Variants in CDYL observed in about 807,000 individuals in gnomAD.
The protein encoded by CDYL is chromodomain Y-like protein.
A neutral mutation model predicts 47.3 loss-of-function variants in CDYL; 8 were observed. That is an observed-to-expected ratio of 0.17 (90% CI 0.10 to 0.31). CDYL has a LOEUF of 0.31. CDYL is among the 10% of genes least tolerant of loss of function. CDYL has a pLI of 1.00. For missense variants in CDYL, 471 were observed against 701.4 expected (o/e 0.67, Z 3.71); for synonymous variants, 266 against 265.0 (o/e 1.00, Z -0.04).
intron 3 of CDYL, among the ~76,000 whole-genome samples, chr6:4,756,281 C>T (rs2127421438): frequency 6.6e-6 from 1 of 152,324 alleles, no homozygotes; most frequent in African/African-American, 2.4e-5. Flanking sequence ...CACATTTCGA[C>T]TCCAACCTAC....
chr6:4,854,322 T>C (rs1760941069), intron 1 of CDYL, among the ~76,000 whole-genome samples: 2 of 152,190 alleles, frequency 1.3e-5, no homozygotes, highest in African/African-American at 4.8e-5. Context: ...AAACTCAGCA[T>C]CCGCAGTTCA....
chr6:4,726,415 C>A (rs1158168650), intron 2 of CDYL, among the ~76,000 whole-genome samples: 1 of 151,788 alleles, frequency 6.6e-6, no homozygotes, highest in Admixed American at 6.6e-5. Flanking sequence ...ACCTGTAATC[C>A]CAGCTACTCA....
chr6:4,881,750 G>A (rs990457534), intron 1 of CDYL, among the ~76,000 whole-genome samples: 8 of 152,088 alleles, frequency 5.3e-5, no homozygotes, highest in African/African-American at 1.9e-4. Flanking sequence ...ACAATTTCTG[G>A]TTCTCATTCT....
intron 2 of CDYL, among the ~76,000 whole-genome samples, chr6:4,722,156 GA>G (rs1561822846): frequency 6.6e-6 from 1 of 152,150 alleles, no homozygotes; most frequent in Non-Finnish European, 1.5e-5. Context: ...CCCGGCCAGA[GA>G]AATATTTTTT....
chr6:4,799,031 C>T (rs1008232208), intron 1 of CDYL, among the ~76,000 whole-genome samples: 7 of 152,102 alleles, frequency 4.6e-5, no homozygotes, highest in African/African-American at 1.4e-4. Context: ...GAAGTTTAGG[C>T]CATTGCTGTA....
At chr6:4,762,645 C>CAAA (rs1173404314) in intron 3 of CDYL, among the ~76,000 whole-genome samples, 15 of 39,624 alleles carry the variant, frequency 3.8e-4, no homozygotes, top group African/African-American at 3.9e-4. Flanking sequence ...TAAAGGGTAC[C>CAAA]AAAAAAAAAA....
intron 3 of CDYL, among the ~76,000 whole-genome samples, chr6:4,765,732 T>G (rs1758242857): frequency 6.6e-6 from 1 of 152,080 alleles, no homozygotes; most frequent in Non-Finnish European, 1.5e-5. Flanking sequence ...CCCGGCTAAT[T>G]TTTGTATTTT....
At chr6:4,871,147 A>G (rs944941848) in intron 1 of CDYL, among the ~76,000 whole-genome samples, 2 of 152,172 alleles carry the variant, frequency 1.3e-5, no homozygotes, top group Admixed American at 6.5e-5. Context: ...TCCTCTCTAC[A>G]TTGAATGGGC....
chr6:4,793,343 A>G (rs1758980965), intron 1 of CDYL, among the ~76,000 whole-genome samples: 1 of 152,088 alleles, frequency 6.6e-6, no homozygotes, highest in African/African-American at 2.4e-5. Flanking sequence ...TCGGAGTGCT[A>G]GTGGCTGGTG....
At chr6:4,804,351 C>T (rs1759310360) in intron 1 of CDYL, among the ~76,000 whole-genome samples, 2 of 152,234 alleles carry the variant, frequency 1.3e-5, no homozygotes, top group Admixed American at 1.3e-4. Context: ...AGCTCCTAGG[C>T]TCCCCACATC....
intron 1 of CDYL, among the ~76,000 whole-genome samples, chr6:4,873,340 A>C (rs1393017735): frequency 6.6e-6 from 1 of 152,216 alleles, no homozygotes; most frequent in Admixed American, 6.5e-5. Context: ...TAGATATGAT[A>C]ATGACTACTA....
At chr6:4,906,158 T>A (rs181554401) in intron 2 of CDYL, among the ~76,000 whole-genome samples, 1 of 152,246 alleles carries the variant, frequency 6.6e-6, no homozygotes, top group East Asian at 1.9e-4. Flanking sequence ...GCGGATGATA[T>A]GACTTTTATT....
At chr6:4,805,045 A>G (rs1009916156) in intron 1 of CDYL, among the ~76,000 whole-genome samples, 2 of 152,210 alleles carry the variant, frequency 1.3e-5, no homozygotes, top group African/African-American at 4.8e-5. Context: ...AATCAGACCA[A>G]AAAAACCCCA....
intron 2 of CDYL, among the ~76,000 whole-genome samples, chr6:4,929,216 A>G (rs778290896): frequency 6.6e-6 from 1 of 151,658 alleles, no homozygotes; most frequent in Non-Finnish European, 1.5e-5. Context: ...TGTGCTGTGT[A>G]TATAGGTTGG....
chr6:4,775,897 TAGACGGCGCGGC>T (rs570558271), upstream of CDYL, among the ~76,000 whole-genome samples: 48 of 150,108 alleles, frequency 3.2e-4, no homozygotes, highest in South Asian at 9.8e-3. This position sits in a 1 kb window ranked among gnomAD's most constrained non-coding sequence, Gnocchi z 7.0. Context: ...AGGCGCGCGG[TAGACGGCGCGGC>T]CGCTGCCGTC....
chr6:4,745,534 G>T (rs1268466558), intron 3 of CDYL, among the ~76,000 whole-genome samples: 4 of 151,706 alleles, frequency 2.6e-5, no homozygotes, highest in African/African-American at 9.7e-5. Context: ...TTGAGGTCAG[G>T]AATTCGAGAC....
At chr6:4,819,162 C>CTCTCTCTCTCTCTCTCTGTGTGTGTGTG in intron 1 of CDYL, among the ~76,000 whole-genome samples, 1 of 111,998 alleles carries the variant, frequency 8.9e-6, no homozygotes, top group African/African-American at 4.8e-5. Context: ...CTCTCTCTCT[C>CTCTCTCTCTCTCTCTCTGTGTGTGTGTG]TGTGTGTGTG....
intron 1 of CDYL, among the ~76,000 whole-genome samples, chr6:4,814,641 C>T (rs754859342): frequency 6.6e-6 from 1 of 152,054 alleles, no homozygotes; most frequent in Non-Finnish European, 1.5e-5. Flanking sequence ...TTCTCGTGCC[C>T]CAGCCTCCCT....
At chr6:4,753,351 G>A (rs1758027141) in intron 3 of CDYL, among the ~76,000 whole-genome samples, 1 of 152,160 alleles carries the variant, frequency 6.6e-6, no homozygotes, top group Admixed American at 6.5e-5. Flanking sequence ...CTTTCCTCTT[G>A]GGCTGTCAGT....
Sources: allele counts gnomAD v4.1 joint callset (sites outside exome capture counted in the v4.1 genomes callset), GRCh38; gene constraint gnomAD v4.1.1; non-coding constraint Gnocchi (gnomAD v3.1); transcripts MANE v1.5; gene names NCBI Gene and HGNC (gene_info 2026-07-23, HGNC 2026-07-21).